LHFPL1: variants seen among roughly 807,000 people sequenced by gnomAD.
The protein encoded by LHFPL1 is LHFPL tetraspan subfamily member 1 protein.
LHFPL1 carries 4 observed loss-of-function variants against 12.1 expected under a neutral mutation model. The observed-to-expected ratio is 0.33, with a 90% confidence interval of 0.16 to 0.76. The LOEUF (loss-of-function observed/expected upper bound fraction) is 0.76, where lower values mean the gene tolerates loss of function less well. LHFPL1 is among the 30% of genes least tolerant of loss of function. The pLI is 0.61. For missense variants in LHFPL1, 141 were observed against 174.1 expected (o/e 0.81, Z 1.07); for synonymous variants, 52 against 61.9 (o/e 0.84, Z 0.75).
chrX:112,645,248 T>C (rs184157355), intron 3 of LHFPL1, among the ~76,000 whole-genome samples: 129 of 112,452 alleles, frequency 1.1e-3, no homozygotes, highest in African/African-American at 3.9e-3. Flanking sequence ...CAATCCTCAT[T>C]AATGGAGGCT....
At chrX:112,641,706 G>A (rs1005518757) in intron 3 of LHFPL1, among the ~76,000 whole-genome samples, 1 of 111,801 alleles carries the variant, frequency 8.9e-6, no homozygotes. Flanking sequence ...ACTCCCAACT[G>A]GTCCAACAAG....
At chrX:112,663,750 G>T (rs974634823) in intron 2 of LHFPL1, among the ~76,000 whole-genome samples, 1 of 111,797 alleles carries the variant, frequency 8.9e-6, no homozygotes, top group Non-Finnish European at 1.9e-5. Flanking sequence ...TCTCTAGCAA[G>T]GCACTAGGAA....
At position 112,631,405 on chromosome X, in the gene LHFPL1, ATCT is replaced by A. The variant is rs1174052102; in HGVS notation, c.*12_*14del. On this transcript the variant is annotated 3_prime_UTR_variant, in exon 4 of 4. Coordinates refer to ENST00000371968, the MANE Select transcript of LHFPL1 (RefSeq NM_178175.4). The stretch of plus-strand genomic sequence containing the variant: ...CTCCTCCCCTTTCCCACCCTCTCCA[ATCT>A]TCTTTCAAAGCTCAAGGTTTGAGGC... 1 of 1,193,124 alleles carries A rather than the reference ATCT, an allele frequency of 8.4e-7. No individual in the cohort carries two copies.
chrX:112,666,302 A>AC (rs1309909567), intron 2 of LHFPL1, among the ~76,000 whole-genome samples: 1 of 107,261 alleles, frequency 9.3e-6, no homozygotes, highest in Non-Finnish European at 1.9e-5. Context: ...TTCACTTACC[A>AC]CCCCCCCAGC....
At chrX:112,664,467 T>C (rs750106598) in intron 2 of LHFPL1, among the ~76,000 whole-genome samples, 2 of 111,855 alleles carry the variant, frequency 1.8e-5, no homozygotes, top group South Asian at 3.8e-4. Context: ...GTTGGAGTTA[T>C]CTTGCAATTT....
intron 3 of LHFPL1, among the ~76,000 whole-genome samples, chrX:112,634,935 A>T (rs1930295764): frequency 9.6e-5 from 1 of 10,466 alleles, no homozygotes; most frequent in Non-Finnish European, 1.7e-4. Flanking sequence ...TACCGGAGGA[A>T]AAAAAGAGAT....
At chrX:112,638,471 T>C (rs951817803) in intron 3 of LHFPL1, among the ~76,000 whole-genome samples, 1 of 110,855 alleles carries the variant, frequency 9.0e-6, no homozygotes, top group Non-Finnish European at 1.9e-5. Context: ...TAGGAATCCT[T>C]TGGAATTTGA....
chrX:112,640,244 G>A (rs968977492), intron 3 of LHFPL1, among the ~76,000 whole-genome samples: 2 of 111,144 alleles, frequency 1.8e-5, no homozygotes, highest in Admixed American at 1.9e-4. Context: ...CAAGCGCTCC[G>A]ATATGGACTG....
chrX:112,673,701 G>A (rs1451267620), intron 1 of LHFPL1, among the ~76,000 whole-genome samples: 2 of 111,460 alleles, frequency 1.8e-5, no homozygotes, highest in South Asian at 3.8e-4. Flanking sequence ...AAAGACAAGC[G>A]ACCTACCCAA....
intron 2 of LHFPL1, chrX:112,661,520 T>C (rs778350317): frequency 2.7e-5 from 3 of 111,900 alleles, no homozygotes; most frequent in Admixed American, 9.5e-5. Flanking sequence ...CACAGAGGAT[T>C]GTATCAAGCA....
chrX:112,663,632 T>C (rs1432143744), intron 2 of LHFPL1, among the ~76,000 whole-genome samples: 2 of 112,307 alleles, frequency 1.8e-5, no homozygotes, highest in African/African-American at 6.5e-5. Context: ...ACATAGCTAG[T>C]AACTAGCAAT....
At position 112,673,879 on chromosome X, in the gene LHFPL1, A is replaced by G. The variant is rs147103379; in HGVS notation, c.-14-2475T>C. Reference sequence around the variant, plus strand: ...AGAAGGAAACCCAATTTCTCCAGACATAGTGCAAACACCATCAGGGCAAGT... The same window carrying G: ...AGAAGGAAACCCAATTTCTCCAGACGTAGTGCAAACACCATCAGGGCAAGT... On this transcript the variant is annotated intron_variant, in intron 1 of 3. Transcript: ENST00000371968. Among the ~76,000 whole-genome samples, 555 of 112,053 alleles carry G rather than the reference A, an allele frequency of 5.0e-3. 9 individuals are homozygous for G. In the East Asian group the frequency reaches 0.052, roughly 11 times the overall value.
chrX:112,662,952 A>G (rs1931231458), intron 2 of LHFPL1, among the ~76,000 whole-genome samples: 1 of 112,205 alleles, frequency 8.9e-6, no homozygotes, highest in Non-Finnish European at 1.9e-5. Context: ...ACAAGTTTAT[A>G]AAAGAACACC....
At chrX:112,640,368 G>A (rs1930466614) in intron 3 of LHFPL1, among the ~76,000 whole-genome samples, 1 of 111,414 alleles carries the variant, frequency 9.0e-6, no homozygotes, top group African/African-American at 3.3e-5. Flanking sequence ...TCCCAGCAAA[G>A]GGAGTAACAC....
At chrX:112,658,120 C>T (rs1384044243) in intron 3 of LHFPL1, among the ~76,000 whole-genome samples, 1 of 110,812 alleles carries the variant, frequency 9.0e-6, no homozygotes, top group Non-Finnish European at 1.9e-5. Flanking sequence ...CAGCAAATAA[C>T]CCAATTAAAA....
rs373145230 is a variant in LHFPL1 at position 112,661,216 on chromosome X, G to A, written c.383-491C>T. Among the ~76,000 whole-genome samples, 51 of 111,119 alleles carry A rather than the reference G, an allele frequency of 4.6e-4. 1 individual carries two copies. In the South Asian group the frequency reaches 0.018, roughly 39 times the overall value. ...GAGCAGGGAACCACACTCCTCCCCC[G>A]ATAAATCATTCCAGCTTTATACCAA... is the stretch of plus-strand genomic sequence containing the variant. On this transcript the variant is annotated intron_variant, in intron 2 of 3. Coordinates refer to ENST00000371968, the MANE Select transcript of LHFPL1 (RefSeq NM_178175.4).
chrX:112,670,174 C>T (rs767158615), intron 2 of LHFPL1, among the ~76,000 whole-genome samples: 1 of 112,662 alleles, frequency 8.9e-6, no homozygotes, highest in East Asian at 2.8e-4. Flanking sequence ...GCAGTAGATT[C>T]TACCAGCACT....
intron 2 of LHFPL1, among the ~76,000 whole-genome samples, chrX:112,663,530 G>T (rs1438157520): frequency 9.0e-6 from 1 of 111,433 alleles, no homozygotes; most frequent in Admixed American, 9.5e-5. Context: ...AAATAGAAAG[G>T]AAAACGTTTT....
chrX:112,678,026 G>A (rs948117899), intron 1 of LHFPL1, among the ~76,000 whole-genome samples: 1 of 110,267 alleles, frequency 9.1e-6, no homozygotes, highest in Non-Finnish European at 1.9e-5. Context: ...TCACAAGCAG[G>A]TAAGGCATTA....
Sources: gnomAD v4.1 joint callset for allele counts (sites outside exome capture counted in the v4.1 genomes callset) on GRCh38, gnomAD v4.1.1 for gene constraint, MANE v1.5 for transcripts, NCBI Gene and HGNC (gene_info 2026-07-23, HGNC 2026-07-21) for gene names.